The following SNX2 variants were observed in gnomAD, a reference collection of about 807,000 sequenced individuals.
SNX2 encodes the protein sorting nexin-2.
Under a neutral mutation model 69.9 loss-of-function variants are expected in SNX2, and 25 were observed. The ratio of observed to expected loss-of-function variants is 0.36; its 90% CI spans 0.26 to 0.50. The LOEUF (loss-of-function observed/expected upper bound fraction) is 0.50, where lower values mean the gene tolerates loss of function less well. SNX2 is among the 20% of genes least tolerant of loss of function. The pLI, the probability that SNX2 is intolerant of heterozygous loss-of-function variation, is 0.97. For missense variants in SNX2, 551 were observed against 613.3 expected (o/e 0.90, Z 1.07); for synonymous variants, 229 against 200.4 (o/e 1.14, Z -1.20).
intron 11 of SNX2, among the ~76,000 whole-genome samples, chr5:122,825,461 G>A (rs1295141130): frequency 6.6e-6 from 1 of 151,882 alleles, no homozygotes; most frequent in Non-Finnish European, 1.5e-5. Flanking sequence ...CTTTAGTTCT[G>A]CAGTGTATAT....
Position 122,793,897 on chromosome 5 carries a change from G to A in SNX2, c.109-1369G>A, listed in dbSNP as rs1753307493. The stretch of plus-strand genomic sequence containing the variant: ...CATTGCACTCCAGCCTGGGCAAGAA[G>A]AGCAAAATTCTGTCCCCCCAAAAAA... On this transcript the variant is annotated intron_variant, in intron 1 of 14. Transcript: ENST00000379516. 5.8e-5 allele frequency among the ~76,000 whole-genome samples: 7 copies of A among 120,474 alleles called. No individual in the cohort carries two copies. In the South Asian group the frequency reaches 2.0e-3, roughly 35 times the overall value. 79.0% of individuals were successfully genotyped at this position (120,474 alleles called of 152,430 possible).
intron 11 of SNX2, among the ~76,000 whole-genome samples, chr5:122,822,748 T>C (rs1010399789): frequency 6.6e-6 from 1 of 152,222 alleles, no homozygotes; most frequent in African/African-American, 2.4e-5. Context: ...TGTCATGTAT[T>C]GGGCTTCTTT....
intron 8 of SNX2, among the ~76,000 whole-genome samples, chr5:122,816,590 A>G (rs1373989964): frequency 2.0e-5 from 3 of 152,152 alleles, no homozygotes; most frequent in African/African-American, 7.2e-5. Context: ...TATTTCTGTT[A>G]GCAAACAGGT....
rs752589956 is a variant in SNX2, at chr5:122,799,782, C to A, written c.317C>A (p.Thr106Asn). Residue 106 changes from threonine to asparagine, a missense_variant, in exon 3 of 15, where the codon ACT (threonine) becomes AAT (asparagine). Transcript: ENST00000379516. ...CCTGCAGTCACACCTGTCACTCCTA[C>A]TACACTCATTGCTCCTAGAATTGAA... ...PSPAVTPVTP[T>N]TLIAPRIESK... 6.2e-7 allele frequency: 1 copy of A among 1,613,632 alleles called. No homozygotes were observed. Among genetic ancestry groups the A allele is most frequent in the East Asian group, 2.2e-5 (1 of 44,858 alleles).
intron 7 of SNX2, among the ~76,000 whole-genome samples, chr5:122,812,161 A>G (rs1178041279): frequency 1.3e-5 from 2 of 152,180 alleles, no homozygotes; most frequent in South Asian, 2.1e-4. Context: ...TACAGTAGTC[A>G]TTCTAAAATA....
Position 122,815,953 on chromosome 5 carries a change from G to C in SNX2, c.780G>C (p.Gln260His). 6.3e-7 allele frequency: 1 copy of C among 1,595,916 alleles called. No homozygotes were observed. The highest frequency in any genetic ancestry group is 8.6e-7 in the Non-Finnish European group (1 of 1,168,560). The change falls in exon 8 of 15, where the codon CAG (glutamine) becomes CAC (histidine). Residue 260 changes from glutamine (Q) to histidine (H), a missense_variant. Physicochemically the swap from Gln to His is conservative, Grantham distance 24 (BLOSUM62 0). Transcript: ENST00000379516. Reference protein sequence around the residue: ...PTLLQDPDLRQFLESSELPRA... With the variant: ...PTLLQDPDLRHFLESSELPRA... ...TACTACAGGATCCTGATTTAAGGCA[G>C]TTCTTGGAAAGTTCAGAGGTATTAT... is the stretch of plus-strand genomic sequence containing the variant.
At chr5:122,810,465 T>G (rs1753747972) in intron 7 of SNX2, among the ~76,000 whole-genome samples, 2 of 151,918 alleles carry the variant, frequency 1.3e-5, no homozygotes, top group African/African-American at 4.8e-5. Context: ...GCTTAGTCTT[T>G]CCTGAAAATG....
At chr5:122,795,577 G>T in intron 2 of SNX2, 194 bp downstream of exon 2, 1 of 454,906 alleles carries the variant, frequency 2.2e-6, no homozygotes, top group Non-Finnish European at 3.9e-6. Flanking sequence ...GCAAAAATGT[G>T]GTTCTTTCTG....
Position 122,827,399 on chromosome 5 carries a change from A to G in SNX2, c.1377A>G (p.Gln459=). ...EIREWEAKVQ[Q]GERDFEQISK... ...ATTAGTGGGAGGCGAAAGTGCAACA[A>G]GGGGAAAGAGATTTTGAACAGATAT... Residue 459 remains glutamine, a synonymous_variant, in exon 13 of 15, where the codon CAA becomes CAG. Coordinates refer to ENST00000379516, the MANE Select transcript of SNX2 (RefSeq NM_003100.4). The G allele has an allele frequency of 6.2e-7, 1 of 1,613,474 alleles. No homozygotes were observed. The highest frequency in any genetic ancestry group is 8.5e-7 in the Non-Finnish European group (1 of 1,179,588).
At chr5:122,793,612 T>C (rs1049782769) in intron 1 of SNX2, among the ~76,000 whole-genome samples, 5 of 152,170 alleles carry the variant, frequency 3.3e-5, no homozygotes, top group African/African-American at 1.2e-4. Flanking sequence ...AAAAGGTTTT[T>C]AAAAGACCTA....
At chr5:122,806,142 G>GCACACA (rs139834252) in intron 6 of SNX2, among the ~76,000 whole-genome samples, 17 of 130,554 alleles carry the variant, frequency 1.3e-4, no homozygotes, top group African/African-American at 4.1e-4. Flanking sequence ...ACACGCGCGC[G>GCACACA]CACACACACA....
At position 122,818,969 on chromosome 5, in the gene SNX2, T is replaced by C; in HGVS notation, c.1158T>C (p.Phe386=). The C allele has an allele frequency of 6.2e-7, 1 of 1,613,940 alleles. No individual in the cohort carries two copies. The highest frequency in any genetic ancestry group is 1.1e-5 in the South Asian group (1 of 91,072). ...QLHQEQAFAD[F]YMFSELLSDY... Reference sequence around the variant, plus strand: ...ATCAAGAACAAGCTTTTGCTGACTTTTATATGTTTTCAGAACTACTTAGTG... The same window carrying C: ...ATCAAGAACAAGCTTTTGCTGACTTCTATATGTTTTCAGAACTACTTAGTG... The change falls in exon 11 of 15, where the codon TTT becomes TTC. Residue 386 remains phenylalanine, a synonymous_variant. Coordinates refer to ENST00000379516, the MANE Select transcript of SNX2 (RefSeq NM_003100.4).
intron 1 of SNX2, among the ~76,000 whole-genome samples, chr5:122,794,225 C>T (rs558562329): frequency 2.6e-5 from 4 of 152,140 alleles, no homozygotes; most frequent in African/African-American, 9.6e-5. Flanking sequence ...GCAGGAGAAT[C>T]ACTTGAACCC....
At chr5:122,804,464 T>C (rs1299888611) in intron 6 of SNX2, among the ~76,000 whole-genome samples, 1 of 151,488 alleles carries the variant, frequency 6.6e-6, no homozygotes, top group Non-Finnish European at 1.5e-5. Context: ...CTCCTGGGTT[T>C]AAGTGATTCC....
At chr5:122,778,970 A>G (rs1013864993) in intron 1 of SNX2, among the ~76,000 whole-genome samples, 7 of 152,190 alleles carry the variant, frequency 4.6e-5, no homozygotes, top group East Asian at 1.9e-4. Flanking sequence ...CTGTTCTTCT[A>G]TGGTACCTGA....
intron 1 of SNX2, among the ~76,000 whole-genome samples, chr5:122,786,234 A>G (rs754268862): frequency 6.6e-6 from 1 of 152,010 alleles, no homozygotes; most frequent in African/African-American, 2.4e-5. Context: ...ACTTTTAACT[A>G]ATTTGTCTTT....
chr5:122,785,563 A>G (rs1393757099), intron 1 of SNX2, among the ~76,000 whole-genome samples: 1 of 152,108 alleles, frequency 6.6e-6, no homozygotes, highest in African/African-American at 2.4e-5. Context: ...GCTGCATTCC[A>G]CAAATTTTGA....
At chr5:122,806,150 A>G (rs76110717) in intron 6 of SNX2, among the ~76,000 whole-genome samples, 11 of 78,714 alleles carry the variant, frequency 1.4e-4, no homozygotes, top group East Asian at 7.5e-4. Flanking sequence ...GCGCACACAC[A>G]CACACACACA....
intron 1 of SNX2, among the ~76,000 whole-genome samples, chr5:122,791,119 A>ATTTTT (rs71623268): frequency 2.3e-5 from 3 of 131,704 alleles, no homozygotes; most frequent in Non-Finnish European, 3.2e-5. Context: ...GGCTATTTCA[A>ATTTTT]TTTTTTTTTT....
Sources: gnomAD v4.1 joint callset for allele counts (sites outside exome capture counted in the v4.1 genomes callset) on GRCh38, gnomAD v4.1.1 for gene constraint, MANE v1.5 for transcripts, NCBI Gene and HGNC (gene_info 2026-07-23, HGNC 2026-07-21) for gene names.